Variants in OVOL2 observed in about 807,000 individuals in gnomAD.
The protein encoded by OVOL2 is transcription factor Ovo-like 2.
A neutral mutation model predicts 18.1 loss-of-function variants in OVOL2; 13 were observed. That is an observed-to-expected ratio of 0.72 (90% CI 0.47 to 1.14). The LOEUF is 1.14. OVOL2 is among the 50% of genes most tolerant of loss of function. The pLI is 0.00. For missense variants in OVOL2, 335 were observed against 383.0 expected, an observed-to-expected ratio of 0.87 and a Z score of 1.05; for synonymous variants, 166 against 162.7, an observed-to-expected ratio of 1.02 and a Z score of -0.16.
intron 3 of OVOL2, among the ~76,000 whole-genome samples, chr20:18,039,751 C>T (rs2036652582): frequency 6.6e-6 from 1 of 152,050 alleles, no homozygotes; most frequent in Non-Finnish European, 1.5e-5. Flanking sequence ...CACGGCCAGT[C>T]CTCTAAGAGC....
chr20:18,039,397 G>T (rs914199357), intron 3 of OVOL2, among the ~76,000 whole-genome samples: 1 of 152,062 alleles, frequency 6.6e-6, no homozygotes, highest in African/African-American at 2.4e-5. Context: ...CAAGGCGGGT[G>T]GATGGCTTGA....
chr20:18,027,246 G>C (rs141049055), intron 3 of OVOL2, among the ~76,000 whole-genome samples: 1 of 152,054 alleles, frequency 6.6e-6, no homozygotes, highest in Non-Finnish European at 1.5e-5. Context: ...GAATTGGCTG[G>C]GTGCTTCACA....
chr20:18,052,794 C>G (rs2036782081), intron 2 of OVOL2, among the ~76,000 whole-genome samples: 1 of 152,240 alleles, frequency 6.6e-6, no homozygotes, highest in African/African-American at 2.4e-5. Flanking sequence ...GTACTCCATA[C>G]TTGGACCTGG....
At chr20:18,029,176 G>C (rs2036545411) in intron 3 of OVOL2, among the ~76,000 whole-genome samples, 2 of 152,032 alleles carry the variant, frequency 1.3e-5, no homozygotes, top group South Asian at 4.2e-4. Context: ...ACAGGTGCCT[G>C]CTACAATGTC....
chr20:18,032,003 C>A (rs2036574431), intron 3 of OVOL2, among the ~76,000 whole-genome samples: 1 of 152,106 alleles, frequency 6.6e-6, no homozygotes, highest in Non-Finnish European at 1.5e-5. Context: ...TTTTTACAGG[C>A]ATGCTTGTGG....
chr20:18,032,770 G>T (rs1049570579), intron 3 of OVOL2, among the ~76,000 whole-genome samples: 2 of 152,090 alleles, frequency 1.3e-5, no homozygotes, highest in Non-Finnish European at 2.9e-5. Context: ...GCCTCCCAAA[G>T]TGCGGGGATT....
intron 3 of OVOL2, among the ~76,000 whole-genome samples, chr20:18,025,632 T>C (rs2036507018): frequency 1.3e-5 from 2 of 151,902 alleles, no homozygotes; most frequent in South Asian, 4.2e-4. Flanking sequence ...TACAAGTAGT[T>C]TATTTGAGAG....
chr20:18,028,787 TG>T (rs553568332), intron 3 of OVOL2, among the ~76,000 whole-genome samples: 218 of 152,128 alleles, frequency 1.4e-3, no homozygotes, highest in African/African-American at 5.1e-3. Flanking sequence ...AGCGAGACCC[TG>T]TCTCAAATAA....
At chr20:18,050,481 C>T (rs1413112774) in intron 2 of OVOL2, among the ~76,000 whole-genome samples, 1 of 152,200 alleles carries the variant, frequency 6.6e-6, no homozygotes, top group Admixed American at 6.5e-5. Flanking sequence ...ATACCTTTCT[C>T]TGCTTAAACT....
Position 18,056,075 on chromosome 20 carries a change from A to G in OVOL2, c.321+582T>C, listed in dbSNP as rs1378154530. The stretch of plus-strand genomic sequence containing the variant: ...CTTTTACCCATCAATTTAATTCAAG[A>G]TTGGAAAGATGACAGATCTAAAGTG... On this transcript the variant is annotated intron_variant, in intron 2 of 3. Transcript: ENST00000278780. The surrounding 1 kb of genome is among the most constrained non-coding windows in gnomAD (Gnocchi z 4.2). Among the ~76,000 whole-genome samples, 3 of 152,180 alleles carry G rather than the reference A, an allele frequency of 2.0e-5. No individual in the cohort carries two copies. Among genetic ancestry groups the G allele is most frequent in the African/African-American group, 7.2e-5 (3 of 41,456 alleles).
At chr20:18,053,992 C>A (rs1484716683) in intron 2 of OVOL2, among the ~76,000 whole-genome samples, 1 of 152,180 alleles carries the variant, frequency 6.6e-6, no homozygotes, top group South Asian at 2.1e-4. Flanking sequence ...GCCTTCAAAT[C>A]CACATCAGGA....
chr20:18,025,431 T>C (rs761806331), intron 3 of OVOL2, among the ~76,000 whole-genome samples: 1 of 151,980 alleles, frequency 6.6e-6, no homozygotes, highest in Non-Finnish European at 1.5e-5. Flanking sequence ...TAGCCAGGCA[T>C]GGTGGCGCGC....
intron 2 of OVOL2, among the ~76,000 whole-genome samples, chr20:18,048,593 A>G (rs2036744437): frequency 1.3e-5 from 2 of 151,498 alleles, no homozygotes; most frequent in Non-Finnish European, 2.9e-5. Flanking sequence ...GGGCATGGTG[A>G]TGCACACCTG....
intron 2 of OVOL2, among the ~76,000 whole-genome samples, chr20:18,048,068 C>T (rs1201963208): frequency 6.7e-6 from 1 of 149,138 alleles, no homozygotes; most frequent in African/African-American, 2.5e-5. Context: ...GGGCAGATCA[C>T]CTGAGGTCAG....
intron 3 of OVOL2, among the ~76,000 whole-genome samples, chr20:18,029,624 C>T (rs772698733): frequency 5.9e-5 from 9 of 152,066 alleles, no homozygotes; most frequent in Admixed American, 2.6e-4. Context: ...TAATAATTTT[C>T]GTACTAACTG....
Position 18,043,597 on chromosome 20 carries a change from G to GAA in OVOL2, c.322-1876_322-1875dup, listed in dbSNP as rs1183249798. ...GCCCCCACTAACACTACCCAGAGTA[G>GAA]AACTGCCTAGCAGAGCCATGCCTAT... On this transcript the variant is annotated intron_variant, in intron 2 of 3. Transcript: ENST00000278780. Among the ~76,000 whole-genome samples the GAA allele has an allele frequency of 2.6e-5, 4 of 152,164 alleles. 1 individual carries two copies. Among genetic ancestry groups the GAA allele is most frequent in the African/African-American group, 9.7e-5 (4 of 41,426 alleles).
At chr20:18,031,119 C>T (rs973621131) in intron 3 of OVOL2, among the ~76,000 whole-genome samples, 8 of 152,166 alleles carry the variant, frequency 5.3e-5, no homozygotes, top group African/African-American at 4.8e-5. Context: ...ACCACCCATG[C>T]GCTAGACGTC....
rs148292800 is a variant in OVOL2 at position 18,037,898 on chromosome 20, G to A, written c.511+3636C>T. On this transcript the variant is annotated intron_variant, in intron 3 of 3. Transcript: ENST00000278780. ...TCTGGGATCACCTCCCAAATACATT[G>A]CTCACATCCAAATCCTTGTGTCGCG... Among the ~76,000 whole-genome samples the A allele has an allele frequency of 3.8e-3, 529 of 140,670 alleles. 2 individuals are homozygous for A. The highest frequency in any genetic ancestry group is 0.014 in the African/African-American group (493 of 36,378). 92.3% of individuals were successfully genotyped at this position (140,670 alleles called of 152,430 possible).
At chr20:18,047,892 A>C (rs1441170356) in intron 2 of OVOL2, among the ~76,000 whole-genome samples, 2 of 151,794 alleles carry the variant, frequency 1.3e-5, no homozygotes, top group East Asian at 3.9e-4. Context: ...GAAATGAAGA[A>C]ATTAAATCTT....
Sources: gnomAD v4.1 joint callset for allele counts (sites outside exome capture counted in the v4.1 genomes callset) on GRCh38, gnomAD v4.1.1 for gene constraint, Gnocchi (gnomAD v3.1) non-coding constraint, MANE v1.5 for transcripts, NCBI Gene and HGNC (gene_info 2026-07-23, HGNC 2026-07-21) for gene names.